Variants in GATAD2A observed in about 807,000 individuals in gnomAD.
GATAD2A encodes the protein transcriptional repressor p66-alpha.
GATAD2A carries 12 observed loss-of-function variants against 68.5 expected under a neutral mutation model. The observed-to-expected ratio is 0.18, with a 90% CI of 0.11 to 0.28. The LOEUF is 0.28. Among genes scored for constraint, GATAD2A ranks in the 10% least tolerant of loss-of-function variants. The probability of loss-of-function intolerance (pLI) is 1.00; values close to 1 mark genes in which losing one functional copy is unlikely to be tolerated. For synonymous variants in GATAD2A, 410 were observed against 375.3 expected, an observed-to-expected ratio of 1.09 and a Z score of -1.07; for missense variants, 755 against 868.5, an observed-to-expected ratio of 0.87 and a Z score of 1.64.
At chr19:19,397,967 G>T (rs919609353) in intron 1 of GATAD2A, among the ~76,000 whole-genome samples, 1 of 152,184 alleles carries the variant, frequency 6.6e-6, no homozygotes, top group African/African-American at 2.4e-5. Flanking sequence ...GCAGTGGCGT[G>T]ATCTCGGCTC....
At chr19:19,464,167 A>G (rs1194965366) in intron 1 of GATAD2A, among the ~76,000 whole-genome samples, 1 of 152,192 alleles carries the variant, frequency 6.6e-6, no homozygotes, top group Non-Finnish European at 1.5e-5. Flanking sequence ...GAGGACACAG[A>G]TAGGACCAGA....
chr19:19,487,115 C>T (rs542306690), intron 2 of GATAD2A, among the ~76,000 whole-genome samples: 17 of 152,246 alleles, frequency 1.1e-4, no homozygotes, highest in Admixed American at 2.0e-4. Flanking sequence ...CCCCCATCCC[C>T]AGCCATCATA....
rs769248770 is a variant in GATAD2A at position 19,502,513 on chromosome 19, G to T, written c.1761G>T (p.Thr587=). 1 of 1,611,182 alleles carries T rather than the reference G, an allele frequency of 6.2e-7. No homozygotes were observed. The highest frequency in any genetic ancestry group is 2.2e-5 in the East Asian group (1 of 44,884). Residue 587 remains threonine (T), a synonymous_variant, in exon 11 of 12, where the codon ACG becomes ACT. Coordinates refer to ENST00000683918, the MANE Select transcript of GATAD2A (RefSeq NM_001384528.1). Reference sequence around the variant, plus strand: ...GCGCCACCTCCAACTGGAAGAAGACGCCCCTCAGCACAGGTGGGTGACCTC... The same window carrying T: ...GCGCCACCTCCAACTGGAAGAAGACTCCCCTCAGCACAGGTGGGTGACCTC... ...KGSATSNWKK[T]PLSTGGTLAF...
At chr19:19,471,357 G>A (rs1462807490) in intron 2 of GATAD2A, among the ~76,000 whole-genome samples, 1 of 151,978 alleles carries the variant, frequency 6.6e-6, no homozygotes, top group African/African-American at 2.4e-5. Flanking sequence ...AACTACTCAT[G>A]TGTGCCATAA....
intron 1 of GATAD2A, among the ~76,000 whole-genome samples, chr19:19,442,735 G>C (rs2055239551): frequency 6.7e-6 from 1 of 149,386 alleles, no homozygotes; most frequent in Non-Finnish European, 1.5e-5. Context: ...AGGAGTTGGA[G>C]TCTAGCCTGA....
At chr19:19,470,082 A>G (rs916427647) in intron 2 of GATAD2A, among the ~76,000 whole-genome samples, 4 of 152,064 alleles carry the variant, frequency 2.6e-5, no homozygotes, top group African/African-American at 7.2e-5. Context: ...GAGTAACTGT[A>G]TTAATAAGAG....
intron 1 of GATAD2A, among the ~76,000 whole-genome samples, chr19:19,413,162 G>A (rs2051166993): frequency 6.6e-6 from 1 of 152,182 alleles, no homozygotes; most frequent in Admixed American, 6.5e-5. Flanking sequence ...GTGGAATTTG[G>A]TGGTAGTGAC....
chr19:19,387,952 C>T (rs1048060315), intron 1 of GATAD2A, among the ~76,000 whole-genome samples: 2 of 152,106 alleles, frequency 1.3e-5, no homozygotes, highest in Admixed American at 6.6e-5. Flanking sequence ...CTCTGAATTC[C>T]GTGGGGTTGC....
At chr19:19,397,445 G>A (rs761253285) in intron 1 of GATAD2A, among the ~76,000 whole-genome samples, 5 of 151,858 alleles carry the variant, frequency 3.3e-5, no homozygotes, top group Non-Finnish European at 5.9e-5. Context: ...GGCTGGTCTC[G>A]AACTCCCGAC....
chr19:19,478,593 CAA>C (rs944009237), intron 2 of GATAD2A, among the ~76,000 whole-genome samples: 1 of 136,588 alleles, frequency 7.3e-6, no homozygotes. Context: ...GACTCTGTCT[CAA>C]AAAAAAAAGA....
At chr19:19,452,669 C>T (rs1364174014) in intron 1 of GATAD2A, among the ~76,000 whole-genome samples, 1 of 151,900 alleles carries the variant, frequency 6.6e-6, no homozygotes, top group African/African-American at 2.4e-5. Flanking sequence ...TCTGCTGAAT[C>T]CCTGGGCTGG....
chr19:19,505,931 C>T lies in GATAD2A; in HGVS notation c.*457C>T, dbSNP rs2060848019. On this transcript the variant is annotated 3_prime_UTR_variant, in exon 12 of 12. Coordinates refer to ENST00000683918, the MANE Select transcript of GATAD2A (RefSeq NM_001384528.1). ...TTTGCTTTTCCCTGTCTTAGGCTCC[C>T]AGTCTTTGACTGCCTTCCCATGGCG... 5.0e-6 allele frequency: 2 copies of T among 399,238 alleles called. No homozygotes were observed. The highest frequency in any genetic ancestry group is 8.8e-6 in the Non-Finnish European group (2 of 226,390). The allele number at this position is 399,238 out of a possible 1,614,324, so 24.7% of individuals were successfully genotyped here. A position where few individuals can be genotyped will look rare whatever the true frequency, so the allele number is the denominator to read the frequency against.
chr19:19,440,136 G>A (rs1007571902), intron 1 of GATAD2A: 12 of 414,664 alleles, frequency 2.9e-5, no homozygotes, highest in Non-Finnish European at 3.4e-5. Context: ...TGGTGGTGAT[G>A]GGATTTCTAG....
intron 2 of GATAD2A, among the ~76,000 whole-genome samples, chr19:19,485,765 G>A (rs1041761355): frequency 2.6e-5 from 4 of 152,230 alleles, no homozygotes; most frequent in African/African-American, 9.6e-5. Flanking sequence ...TGGGCCGGGG[G>A]CCTTGCAGAG....
Position 19,495,866 on chromosome 19 carries a change from C to T in GATAD2A, c.737C>T (p.Pro246Leu), listed in dbSNP as rs1328800676. The change falls in exon 6 of 12, where the codon CCA becomes CTA. Residue 246 changes from proline to leucine, a missense_variant. Pro to Leu is a moderately conservative substitution (Grantham distance 98). Coordinates refer to ENST00000683918, the MANE Select transcript of GATAD2A (RefSeq NM_001384528.1). ...PQASSQVVMPPLVRGAQQIHS... is the reference protein window; with the variant it reads ...PQASSQVVMPLLVRGAQQIHS... ...GCGAGCTCACAGGTCGTCATGCCCCCACTCGTCAGGGGGGCTCAGGTAAGC... is the reference window on the plus strand; with the variant it reads ...GCGAGCTCACAGGTCGTCATGCCCCTACTCGTCAGGGGGGCTCAGGTAAGC... 2 of 1,612,922 alleles carry T rather than the reference C, an allele frequency of 1.2e-6. No homozygotes were observed. Among genetic ancestry groups the T allele is most frequent in the African/African-American group, 1.3e-5 (1 of 74,878 alleles).
At chr19:19,394,812 A>T (rs2146884639) in intron 1 of GATAD2A, among the ~76,000 whole-genome samples, 1 of 152,350 alleles carries the variant, frequency 6.6e-6, no homozygotes, top group South Asian at 2.1e-4. Context: ...CAAGGCTGGA[A>T]GTCTTAGATT....
rs140410623 is a variant in GATAD2A, at chr19:19,451,313, G to A, written c.-6-14027G>A. Among the ~76,000 whole-genome samples, 1,059 of 152,188 alleles carry A rather than the reference G, an allele frequency of 7.0e-3. 7 individuals carry two copies. The highest frequency in any genetic ancestry group is 0.011 in the Non-Finnish European group (730 of 68,000). ...GGGGAATCACTTGAACCCAGGAGGC[G>A]GATATTGCAGTGAGCCGAGATCACG... On this transcript the variant is annotated intron_variant, in intron 1 of 11. Coordinates refer to ENST00000683918, the MANE Select transcript of GATAD2A (RefSeq NM_001384528.1).
upstream of GATAD2A, chr19:19,405,653 C>G (rs2050131984): frequency 6.6e-6 from 1 of 151,904 alleles, no homozygotes; most frequent in Non-Finnish European, 1.5e-5. Context: ...CCCTTCTCGT[C>G]AGGCCCCGCC....
chr19:19,467,175 A>C (rs558557632), intron 2 of GATAD2A, among the ~76,000 whole-genome samples: 4 of 152,194 alleles, frequency 2.6e-5, no homozygotes, highest in Non-Finnish European at 5.9e-5. Context: ...GGAGATTGAG[A>C]CCATCCTGGC....
Sources: gnomAD v4.1 joint callset for allele counts (sites outside exome capture counted in the v4.1 genomes callset) on GRCh38, gnomAD v4.1.1 for gene constraint, MANE v1.5 for transcripts, NCBI Gene and HGNC (gene_info 2026-07-23, HGNC 2026-07-21) for gene names.